Variants in TATDN1 observed in about 807,000 individuals in gnomAD.
TATDN1 encodes TatD DNase domain containing 1.
In TATDN1, 40 loss-of-function variants were observed where a neutral mutation model predicts 46.4. The observed-to-expected ratio is 0.86, with a 90% CI of 0.67 to 1.12. The LOEUF (loss-of-function observed/expected upper bound fraction) is 1.12. Among genes scored for constraint, TATDN1 ranks in the 50% most tolerant of loss-of-function variants. The pLI, the probability that TATDN1 is intolerant of heterozygous loss-of-function variation, is 0.00. For missense variants in TATDN1, 326 were observed against 348.4 expected (o/e 0.94, Z 0.51); for synonymous variants, 95 against 105.6 (o/e 0.90, Z 0.62).
chr8:124,491,835 T>G (rs1325692147), intron 11 of TATDN1, among the ~76,000 whole-genome samples: 1 of 152,240 alleles, frequency 6.6e-6, no homozygotes, highest in Admixed American at 6.5e-5. Flanking sequence ...AGCAATTAAC[T>G]TGCCAACTCA....
At chr8:124,531,626 C>T (rs898347652) in intron 1 of TATDN1, among the ~76,000 whole-genome samples, 3 of 152,106 alleles carry the variant, frequency 2.0e-5, no homozygotes, top group Non-Finnish European at 2.9e-5. Context: ...GAGAATACAT[C>T]GTCAACCATT....
chr8:124,500,320 A>G (rs1448967637), intron 9 of TATDN1, among the ~76,000 whole-genome samples: 1 of 152,238 alleles, frequency 6.6e-6, no homozygotes, highest in African/African-American at 2.4e-5. Context: ...TGACTAACCT[A>G]TTAATTCTGA....
chr8:124,508,953 C>G (rs1256713675), intron 6 of TATDN1, among the ~76,000 whole-genome samples: 1 of 152,198 alleles, frequency 6.6e-6, no homozygotes, highest in African/African-American at 2.4e-5. Context: ...CCCCTTGCCA[C>G]TGGGAGCACC....
Position 124,504,263 on chromosome 8 carries a change from G to A in TATDN1, c.593+8C>T, listed in dbSNP as rs1303714643. 1 of 1,586,812 alleles carries A rather than the reference G, an allele frequency of 6.3e-7. No homozygotes were observed. The highest frequency in any genetic ancestry group is 8.6e-7 in the Non-Finnish European group (1 of 1,168,560). ...AAAGTTAAAAACCAAAGCAACCTAA[G>A]AACGTACCAACCATTAAATCCTATA... On this transcript the variant is annotated splice_region_variant and intron_variant, in intron 9 of 11. Transcript: ENST00000276692.
At chr8:124,504,920 AT>A (rs746689630) in intron 8 of TATDN1, among the ~76,000 whole-genome samples, 316 of 128,402 alleles carry the variant, frequency 2.5e-3, no homozygotes, top group Admixed American at 2.6e-3. Context: ...CTAATTTTGT[AT>A]TTTTTTTTTT....
At chr8:124,528,968 G>A (rs1820730696) in intron 1 of TATDN1, among the ~76,000 whole-genome samples, 1 of 152,178 alleles carries the variant, frequency 6.6e-6, no homozygotes, top group Non-Finnish European at 1.5e-5. Flanking sequence ...AGCTGCCTGG[G>A]CCCCACAGTG....
Position 124,488,806 on chromosome 8 carries a change from A to AT in TATDN1, c.792-111dup, listed in dbSNP as rs1196888967. 1.0e-5 allele frequency: 7 copies of AT among 691,724 alleles called. No homozygotes were observed. The East Asian group carries it at 1.9e-4, about 19-fold the overall frequency. 42.8% of individuals were successfully genotyped at this position (691,724 alleles called of 1,614,324 possible). On this transcript the variant is annotated intron_variant, in intron 11 of 11. Coordinates refer to ENST00000276692, the MANE Select transcript of TATDN1 (RefSeq NM_032026.4). ...AAAATATTGGCACACCTTTAATATA[A>AT]TAAAGCTTAACAGTTATTAAGTTTT...
Position 124,504,258 on chromosome 8 carries a change from C to T in TATDN1, c.593+13G>A. On this transcript the variant is annotated intron_variant, in intron 9 of 11. Coordinates refer to ENST00000276692, the MANE Select transcript of TATDN1 (RefSeq NM_032026.4). ...AAATAAAAGTTAAAAACCAAAGCAACCTAAGAACGTACCAACCATTAAATC... is the reference window on the plus strand; with the variant it reads ...AAATAAAAGTTAAAAACCAAAGCAATCTAAGAACGTACCAACCATTAAATC... 5.1e-6 allele frequency: 8 copies of T among 1,581,494 alleles called. No homozygotes were observed. The highest frequency in any genetic ancestry group is 6.9e-6 in the Non-Finnish European group (8 of 1,165,488).
At chr8:124,494,252 A>G in intron 10 of TATDN1, 1 of 195,272 alleles carries the variant, frequency 5.1e-6, no homozygotes, top group Non-Finnish European at 1.0e-5. Flanking sequence ...ACATGAAAAC[A>G]TTTAAGTTAA....
chr8:124,512,427 A>AAAAC (rs972255649), intron 6 of TATDN1, among the ~76,000 whole-genome samples: 37 of 152,306 alleles, frequency 2.4e-4, no homozygotes, highest in Middle Eastern at 3.4e-3. Flanking sequence ...TCCATCTCAA[A>AAAAC]AAACAAACAA....
intron 1 of TATDN1, among the ~76,000 whole-genome samples, chr8:124,532,672 C>T (rs774829578): frequency 8.5e-5 from 13 of 152,234 alleles, no homozygotes; most frequent in Non-Finnish European, 7.3e-5. Flanking sequence ...ACTCCAAAGA[C>T]ATACGTGCTG....
intron 6 of TATDN1, among the ~76,000 whole-genome samples, chr8:124,513,781 C>G (rs1371528018): frequency 1.3e-5 from 2 of 152,184 alleles, no homozygotes; most frequent in Non-Finnish European, 1.5e-5. Flanking sequence ...CCTTGCTTGT[C>G]ATAACACAGT....
At chr8:124,516,181 T>C (rs1819457015) in intron 4 of TATDN1, 151 bp from the exon 5 acceptor site, 2 of 594,088 alleles carry the variant, frequency 3.4e-6, no homozygotes, top group South Asian at 4.2e-5. Context: ...ATGTTAATCA[T>C]ATGACAATTT....
At chr8:124,506,325 G>A (rs1215110465) in intron 8 of TATDN1, among the ~76,000 whole-genome samples, 2 of 111,914 alleles carry the variant, frequency 1.8e-5, no homozygotes, top group Non-Finnish European at 3.3e-5. Flanking sequence ...ACAGAGCAAG[G>A]CTCTGTCTCA....
intron 2 of TATDN1, among the ~76,000 whole-genome samples, chr8:124,522,526 C>T (rs1243889414): frequency 2.0e-5 from 3 of 152,032 alleles, no homozygotes; most frequent in Non-Finnish European, 2.9e-5. Context: ...AAGTGATTCT[C>T]GTGCCTTAGC....
chr8:124,529,367 T>C (rs1460467256), intron 1 of TATDN1, among the ~76,000 whole-genome samples: 2 of 152,216 alleles, frequency 1.3e-5, no homozygotes, highest in Non-Finnish European at 2.9e-5. Context: ...TTGATCTGTA[T>C]CACCTTCACA....
At chr8:124,505,476 C>T (rs1460738344) in intron 8 of TATDN1, among the ~76,000 whole-genome samples, 1 of 148,832 alleles carries the variant, frequency 6.7e-6, no homozygotes, top group Non-Finnish European at 1.5e-5. Context: ...ACTGTAATCT[C>T]AGCAATTTGG....
intron 8 of TATDN1, among the ~76,000 whole-genome samples, chr8:124,507,048 G>A (rs780378492): frequency 1.3e-5 from 2 of 152,044 alleles, no homozygotes; most frequent in African/African-American, 2.4e-5. Flanking sequence ...TGTAGTCCCA[G>A]GTACTTGGGA....
intron 1 of TATDN1, among the ~76,000 whole-genome samples, chr8:124,531,372 C>T (rs1179519431): frequency 6.6e-6 from 1 of 152,172 alleles, no homozygotes; most frequent in East Asian, 1.9e-4. Flanking sequence ...CTTTCGCCAG[C>T]TCGCTTTCAA....
Sources: gnomAD v4.1 joint callset for allele counts (sites outside exome capture counted in the v4.1 genomes callset) on GRCh38, gnomAD v4.1.1 for gene constraint, MANE v1.5 for transcripts, NCBI Gene and HGNC (gene_info 2026-07-23, HGNC 2026-07-21) for gene names.